Variants in CPED1 observed in about 807,000 individuals in gnomAD.
CPED1 encodes cadherin-like and PC-esterase domain-containing protein 1.
Under a neutral mutation model 128.2 loss-of-function variants are expected in CPED1, and 114 were observed. The observed-to-expected ratio is 0.89, with a 90% CI of 0.76 to 1.04. The LOEUF (loss-of-function observed/expected upper bound fraction) is 1.04. CPED1 is among the 50% of genes least tolerant of loss of function. CPED1 has a pLI of 0.00. For synonymous variants in CPED1, 462 were observed against 426.7 expected (o/e 1.08, Z -1.02); for missense variants, 1,211 against 1,207.1 (o/e 1.00, Z -0.05).
At chr7:121,144,240 A>T (rs960014708) in intron 16 of CPED1, among the ~76,000 whole-genome samples, 1 of 152,110 alleles carries the variant, frequency 6.6e-6, no homozygotes, top group Non-Finnish European at 1.5e-5. Flanking sequence ...CTGCATTCCC[A>T]TGTTTGTTGC....
At chr7:121,100,189 A>T (rs1202090338) in intron 7 of CPED1, 95 bp downstream of exon 7, 1 of 1,043,694 alleles carries the variant, frequency 9.6e-7, no homozygotes, top group African/African-American at 1.6e-5. Flanking sequence ...TGGTTATCAA[A>T]TCCCATTGAA....
intron 7 of CPED1, among the ~76,000 whole-genome samples, chr7:121,113,753 A>G (rs184220432): frequency 2.4e-4 from 37 of 152,282 alleles, no homozygotes; most frequent in Admixed American, 1.8e-3. Flanking sequence ...CTTGAATTTC[A>G]TGGAATGTAA....
intron 7 of CPED1, among the ~76,000 whole-genome samples, chr7:121,108,510 C>A (rs10247551): frequency 6.6e-6 from 1 of 151,902 alleles, no homozygotes; most frequent in South Asian, 2.1e-4. Flanking sequence ...ATATAATAAT[C>A]TTAATTTTTT....
intron 5 of CPED1, among the ~76,000 whole-genome samples, chr7:121,072,622 G>A (rs1261259704): frequency 6.6e-6 from 1 of 152,090 alleles, no homozygotes; most frequent in East Asian, 1.9e-4. Flanking sequence ...TACCCCTAGA[G>A]TTTTTTCCAG....
At position 121,124,475 on chromosome 7, in the gene CPED1, T is replaced by TA. The variant is rs547003345; in HGVS notation, c.1061+8dup. 330 of 1,447,012 alleles carry TA rather than the reference T, an allele frequency of 2.3e-4. 5 individuals carry two copies. In the African/African-American group the frequency reaches 3.9e-3, roughly 17 times the overall value. The allele number at this position is 1,447,012 out of a possible 1,614,324, so 89.6% of individuals were successfully genotyped here. A position where few individuals can be genotyped will look rare whatever the true frequency, so the allele number is the denominator to read the frequency against. On this transcript the variant is annotated splice_region_variant and intron_variant, in intron 8 of 22. Transcript: ENST00000310396. ...TCTGGGACCAAAGACCTTCCATAGG[T>TA]AAAAAACAAATTTTAATTTAAAAAA... is the stretch of plus-strand genomic sequence containing the variant.
intron 18 of CPED1, among the ~76,000 whole-genome samples, chr7:121,245,001 T>A (rs192860531): frequency 6.6e-6 from 1 of 152,326 alleles, no homozygotes; most frequent in East Asian, 1.9e-4. Flanking sequence ...GATGCTTGGT[T>A]AACATCAAGT....
At chr7:121,014,549 C>CA (rs34128129) in intron 2 of CPED1, among the ~76,000 whole-genome samples, 46,081 of 114,860 alleles carry the variant, frequency 0.4, 9,004 homozygotes, top group South Asian at 0.51. Context: ...GACTTTGTCT[C>CA]AAAAAAAAAA....
intron 5 of CPED1, among the ~76,000 whole-genome samples, chr7:121,094,022 A>G (rs1485498193): frequency 6.6e-6 from 1 of 152,104 alleles, no homozygotes; most frequent in East Asian, 1.9e-4. Context: ...TCTATTTGCT[A>G]TATGTGAAAG....
rs530246836 is a variant in CPED1, at chr7:121,137,618, C to T, written c.1699+1528C>T. 7.3e-4 allele frequency among the ~76,000 whole-genome samples: 111 copies of T among 152,050 alleles called. 2 individuals carry two copies. Among genetic ancestry groups the T allele is most frequent in the African/African-American group, 2.6e-3 (106 of 41,480 alleles). On this transcript the variant is annotated intron_variant, in intron 14 of 22. Transcript: ENST00000310396. ...TAATAATATAGTTTAATAGAATTAA[C>T]GTATATAGCCAATTAAAGAAAATGG...
chr7:121,169,311 G>GGGAAAATTA (rs1263593650), intron 16 of CPED1, among the ~76,000 whole-genome samples: 1 of 152,036 alleles, frequency 6.6e-6, no homozygotes. Context: ...GAAGGTAATT[G>GGGAAAATTA]GGAAAATTAG....
chr7:121,003,536 G>C (rs1236722251), intron 2 of CPED1, among the ~76,000 whole-genome samples: 2 of 152,198 alleles, frequency 1.3e-5, no homozygotes, highest in African/African-American at 4.8e-5. Context: ...GCCAATTTTT[G>C]ATTGTAGGAG....
chr7:121,202,083 G>T (rs538045688), intron 16 of CPED1, among the ~76,000 whole-genome samples: 41 of 152,232 alleles, frequency 2.7e-4, no homozygotes, highest in African/African-American at 9.6e-4. Context: ...ACATCAAAAA[G>T]AAAAGGCAAT....
chr7:121,106,020 T>A (rs1794966720), intron 7 of CPED1, among the ~76,000 whole-genome samples: 1 of 152,120 alleles, frequency 6.6e-6, no homozygotes, highest in South Asian at 2.1e-4. Context: ...GTGTTTGCAT[T>A]TCCAGAGCCT....
chr7:121,242,988 A>T (rs991421835), intron 17 of CPED1, among the ~76,000 whole-genome samples: 2 of 152,192 alleles, frequency 1.3e-5, no homozygotes, highest in African/African-American at 4.8e-5. Flanking sequence ...AGTCATGAAT[A>T]TAAAATGCAC....
chr7:121,056,963 A>T (rs1585044069), intron 4 of CPED1, among the ~76,000 whole-genome samples: 1 of 141,674 alleles, frequency 7.1e-6, no homozygotes, highest in East Asian at 2.1e-4. Context: ...TATACAACAC[A>T]TGCTCTCTAT....
At chr7:121,054,015 C>T (rs1237985857) in intron 4 of CPED1, among the ~76,000 whole-genome samples, 2 of 152,130 alleles carry the variant, frequency 1.3e-5, no homozygotes, top group Non-Finnish European at 2.9e-5. Context: ...ATTCATCTTG[C>T]ATTTTTCCTG....
intron 7 of CPED1, among the ~76,000 whole-genome samples, chr7:121,105,531 G>T (rs1204095453): frequency 2.6e-5 from 4 of 152,020 alleles, no homozygotes; most frequent in Non-Finnish European, 2.9e-5. Flanking sequence ...GTGAATAAAA[G>T]TCTTCTCCTG....
At chr7:121,200,316 C>T (rs1797368463) in intron 16 of CPED1, among the ~76,000 whole-genome samples, 1 of 152,072 alleles carries the variant, frequency 6.6e-6, no homozygotes, top group Non-Finnish European at 1.5e-5. Context: ...AGCCTCTCTG[C>T]TGGTGAAAAC....
intron 3 of CPED1, among the ~76,000 whole-genome samples, chr7:121,023,566 CTCTA>C (rs1241640649): frequency 6.6e-6 from 1 of 152,156 alleles, no homozygotes; most frequent in Non-Finnish European, 1.5e-5. Flanking sequence ...AAATGTGAAT[CTCTA>C]TCATTGCAGG....
Sources: allele counts gnomAD v4.1 joint callset (sites outside exome capture counted in the v4.1 genomes callset), GRCh38; gene constraint gnomAD v4.1.1; transcripts MANE v1.5; gene names NCBI Gene and HGNC (gene_info 2026-07-23, HGNC 2026-07-21).